The following SLCO3A1 variants were observed in gnomAD, a reference collection of about 807,000 sequenced individuals.
SLCO3A1 encodes PGE1 transporter.
SLCO3A1 carries 27 observed loss-of-function variants against 63.1 expected under a neutral mutation model. The ratio of observed to expected loss-of-function variants is 0.43; its 90% confidence interval spans 0.32 to 0.59. The LOEUF (loss-of-function observed/expected upper bound fraction) is 0.59. Ranked by LOEUF, SLCO3A1 falls within the 20% of genes least tolerant of loss-of-function variation. The pLI, the probability that SLCO3A1 is intolerant of heterozygous loss-of-function variation, is 0.09. For missense variants in SLCO3A1, 773 were observed against 945.8 expected (o/e 0.82, Z 2.40); for synonymous variants, 473 against 409.9 (o/e 1.15, Z -1.86).
intron 2 of SLCO3A1, among the ~76,000 whole-genome samples, chr15:92,045,843 C>A (rs1340337266): frequency 6.6e-6 from 1 of 152,100 alleles, no homozygotes; most frequent in Non-Finnish European, 1.5e-5. Flanking sequence ...GTATCAATAT[C>A]TCCAGTCACT....
At chr15:92,052,184 T>G (rs1197157466) in intron 2 of SLCO3A1, among the ~76,000 whole-genome samples, 1 of 152,140 alleles carries the variant, frequency 6.6e-6, no homozygotes, top group Non-Finnish European at 1.5e-5. Context: ...AAGACAAGTT[T>G]CCTTGGACAG....
chr15:92,014,609 C>T (rs527463054), intron 2 of SLCO3A1, among the ~76,000 whole-genome samples: 46 of 152,258 alleles, frequency 3.0e-4, no homozygotes, highest in African/African-American at 9.4e-4. Flanking sequence ...AAAACACCCA[C>T]CTCTTCCTCC....
At chr15:92,124,049 A>C (rs1457509938) in intron 5 of SLCO3A1, among the ~76,000 whole-genome samples, 2 of 152,036 alleles carry the variant, frequency 1.3e-5, no homozygotes, top group East Asian at 3.9e-4. Flanking sequence ...TGGCTGCAGG[A>C]GGGGCTGGCA....
At chr15:92,041,636 T>A (rs2046798068) in intron 2 of SLCO3A1, among the ~76,000 whole-genome samples, 1 of 152,188 alleles carries the variant, frequency 6.6e-6, no homozygotes, top group Non-Finnish European at 1.5e-5. Flanking sequence ...TGTGTGTAAT[T>A]CAAATCATAG....
In SLCO3A1 at chr15:91,957,018, GTATAT is replaced by G; in HGVS notation, c.646+40561_646+40565del. On this transcript the variant is annotated intron_variant, in intron 2 of 9. Coordinates refer to ENST00000318445, the MANE Select transcript of SLCO3A1 (RefSeq NM_013272.4). ...GTATATATTATATATATAATATATA[GTATAT>G]ATAATATATAATATATAGTATATAT... is the stretch of plus-strand genomic sequence containing the variant. 1.1e-3 allele frequency among the ~76,000 whole-genome samples: 2 copies of G among 1,804 alleles called. 1 individual carries two copies. Among genetic ancestry groups the G allele is most frequent in the East Asian group, 0.032 (2 of 62 alleles). 1.2% of individuals were successfully genotyped at this position (1,804 alleles called of 152,430 possible). A position where few individuals can be genotyped will look rare whatever the true frequency, so the allele number is the denominator to read the frequency against.
intron 2 of SLCO3A1, among the ~76,000 whole-genome samples, chr15:91,959,921 T>C (rs1173154190): frequency 1.3e-5 from 2 of 152,152 alleles, no homozygotes; most frequent in Non-Finnish European, 2.9e-5. Flanking sequence ...TAATTTACTT[T>C]CTGTGTCTAT....
chr15:91,905,923 C>G (rs1898291770), intron 1 of SLCO3A1, among the ~76,000 whole-genome samples: 1 of 152,170 alleles, frequency 6.6e-6, no homozygotes. Context: ...GCCCATTAGC[C>G]TTCACCCCCA....
At chr15:92,155,878 G>C (rs966179206) in intron 9 of SLCO3A1, among the ~76,000 whole-genome samples, 1 of 152,106 alleles carries the variant, frequency 6.6e-6, no homozygotes, top group Non-Finnish European at 1.5e-5. Flanking sequence ...GGTGTCATTA[G>C]GGATGAGCTT....
chr15:92,048,979 G>A (rs1045154158), intron 2 of SLCO3A1, among the ~76,000 whole-genome samples: 15 of 152,180 alleles, frequency 9.9e-5, no homozygotes, highest in African/African-American at 3.6e-4. Context: ...ATTGGCTTTA[G>A]CCCCATTTTA....
At chr15:92,153,971 G>A (rs2048340180) in intron 9 of SLCO3A1, among the ~76,000 whole-genome samples, 1 of 152,210 alleles carries the variant, frequency 6.6e-6, no homozygotes, top group Non-Finnish European at 1.5e-5. Context: ...GGGTGAGGCA[G>A]AAGAATCCCT....
intron 2 of SLCO3A1, among the ~76,000 whole-genome samples, chr15:91,999,130 C>T (rs1450137776): frequency 1.3e-5 from 2 of 152,124 alleles, no homozygotes; most frequent in Non-Finnish European, 2.9e-5. Flanking sequence ...ACACTGGGGA[C>T]TACAGTGGGG....
intron 2 of SLCO3A1, among the ~76,000 whole-genome samples, chr15:91,955,016 G>A (rs781071400): frequency 6.6e-6 from 1 of 152,082 alleles, no homozygotes; most frequent in African/African-American, 2.4e-5. Context: ...ACTTGCCAGG[G>A]TCACCTTGTC....
At chr15:91,925,493 T>A (rs1161060577) in intron 2 of SLCO3A1, among the ~76,000 whole-genome samples, 3 of 150,758 alleles carry the variant, frequency 2.0e-5, no homozygotes, top group South Asian at 2.1e-4. Flanking sequence ...TTTTTTTTTT[T>A]AACTAGGAAA....
intron 1 of SLCO3A1, among the ~76,000 whole-genome samples, chr15:91,855,839 G>A (rs1328425768): frequency 6.6e-6 from 1 of 152,148 alleles, no homozygotes; most frequent in Non-Finnish European, 1.5e-5. Context: ...ATCAACAGCT[G>A]CCTCCACTTT....
At chr15:92,103,636 G>A (rs555569376) in intron 3 of SLCO3A1, among the ~76,000 whole-genome samples, 1 of 152,162 alleles carries the variant, frequency 6.6e-6, no homozygotes, top group South Asian at 2.1e-4. Flanking sequence ...TTTATGTCTG[G>A]TGTGGTCATT....
rs994560799 is a variant in SLCO3A1 at position 91,856,078 on chromosome 15, C to T, written c.180+1990C>T. Among the ~76,000 whole-genome samples, 11 of 151,858 alleles carry T rather than the reference C, an allele frequency of 7.2e-5. No individual in the cohort carries two copies. The highest frequency in any genetic ancestry group is 1.2e-4 in the Non-Finnish European group (8 of 67,970). ...CGAGTACTCCTGGAGTGGTGGACTT[C>T]TGGAGGCAGGGCTGGCCCCAGGAGA... On this transcript the variant is annotated intron_variant, in intron 1 of 9. Transcript: ENST00000318445. This position sits in a 1 kb window ranked among gnomAD's most constrained non-coding sequence, Gnocchi z 4.9.
At chr15:92,059,857 G>A (rs1408343653) in intron 2 of SLCO3A1, among the ~76,000 whole-genome samples, 1 of 152,172 alleles carries the variant, frequency 6.6e-6, no homozygotes, top group Non-Finnish European at 1.5e-5. Flanking sequence ...TCTGAGAAAT[G>A]CGTCGTTAGG....
rs1897134689 is a variant in SLCO3A1, at chr15:91,865,126, C to T, written c.180+11038C>T. On this transcript the variant is annotated intron_variant, in intron 1 of 9. Coordinates refer to ENST00000318445, the MANE Select transcript of SLCO3A1 (RefSeq NM_013272.4). This position sits in a 1 kb window ranked among gnomAD's most constrained non-coding sequence, Gnocchi z 4.6. ...TACAAGCCTTTCAGATCCAATTCCACCTTTCACCACAGACTGTATGTGATT... is the reference window on the plus strand; with the variant it reads ...TACAAGCCTTTCAGATCCAATTCCATCTTTCACCACAGACTGTATGTGATT... Among the ~76,000 whole-genome samples, 3 of 152,246 alleles carry T rather than the reference C, an allele frequency of 2.0e-5. No homozygotes were observed. The South Asian group carries it at 6.2e-4, about 31-fold the overall frequency.
chr15:92,027,105 A>G (rs548830617), intron 2 of SLCO3A1, among the ~76,000 whole-genome samples: 3,293 of 142,606 alleles, frequency 0.023, 50 homozygotes, highest in Middle Eastern at 0.046. Flanking sequence ...AAAAAAAAAA[A>G]GGGGGGGTAC....
Sources: gnomAD v4.1 joint callset for allele counts (sites outside exome capture counted in the v4.1 genomes callset) on GRCh38, gnomAD v4.1.1 for gene constraint, Gnocchi (gnomAD v3.1) non-coding constraint, MANE v1.5 for transcripts, NCBI Gene and HGNC (gene_info 2026-07-23, HGNC 2026-07-21) for gene names.